SRPK1: variants seen among roughly 807,000 people sequenced by gnomAD.
SRPK1 encodes the protein SFRS protein kinase 1.
In SRPK1, 52 loss-of-function variants were observed where a neutral mutation model predicts 89.5. The ratio of observed to expected loss-of-function variants is 0.58; its 90% CI spans 0.46 to 0.73. SRPK1 has a LOEUF of 0.73. Among genes scored for constraint, SRPK1 ranks in the 30% least tolerant of loss-of-function variants. SRPK1 has a pLI of 0.00. For synonymous variants in SRPK1, 255 were observed against 270.2 expected, an observed-to-expected ratio of 0.94 and a Z score of 0.55; for missense variants, 603 against 780.6, an observed-to-expected ratio of 0.77 and a Z score of 2.71.
intron 2 of SRPK1, among the ~76,000 whole-genome samples, chr6:35,916,307 T>C (rs1771101864): frequency 6.6e-6 from 1 of 151,988 alleles, no homozygotes; most frequent in Non-Finnish European, 1.5e-5. Context: ...TGAGGTTCTC[T>C]TTCTGTCCTG....
intron 8 of SRPK1, 120 bp downstream of exon 8, chr6:35,872,442 GT>G: frequency 8.6e-6 from 8 of 935,252 alleles, no homozygotes; most frequent in Non-Finnish European, 1.2e-5. Context: ...AGCTGATAAT[GT>G]TTCTTAAATA....
At chr6:35,851,961 A>T (rs2151082463) in intron 13 of SRPK1, among the ~76,000 whole-genome samples, 1 of 152,352 alleles carries the variant, frequency 6.6e-6, no homozygotes, top group East Asian at 1.9e-4. Context: ...GCCTAAAATA[A>T]ATATGCCAAC....
chr6:35,920,254 G>A (rs1036784780), intron 2 of SRPK1: 5 of 635,832 alleles, frequency 7.9e-6, no homozygotes, highest in Admixed American at 2.2e-5. Context: ...GCCCTTTCCA[G>A]CAGGCCCGGG....
At chr6:35,840,941 T>C (rs1175324643) in intron 14 of SRPK1, among the ~76,000 whole-genome samples, 2 of 152,180 alleles carry the variant, frequency 1.3e-5, no homozygotes, top group Admixed American at 1.3e-4. Context: ...ACTCTGCATA[T>C]GTATTAAAAT....
chr6:35,876,870 T>C (rs1434943007), intron 6 of SRPK1, among the ~76,000 whole-genome samples: 2 of 152,116 alleles, frequency 1.3e-5, no homozygotes, highest in African/African-American at 4.8e-5. Context: ...GCTTTCCAGG[T>C]AGACTCCACA....
intron 12 of SRPK1, among the ~76,000 whole-genome samples, chr6:35,861,445 T>C (rs372990355): frequency 5.3e-5 from 8 of 152,294 alleles, no homozygotes; most frequent in East Asian, 1.9e-4. Flanking sequence ...ACAGCCTTGA[T>C]ACCAGGGATC....
intron 2 of SRPK1, among the ~76,000 whole-genome samples, chr6:35,912,312 CT>C (rs1770988132): frequency 6.6e-6 from 1 of 152,178 alleles, no homozygotes; most frequent in Non-Finnish European, 1.5e-5. Context: ...GATAGCACCA[CT>C]GCACTCCAGC....
intron 9 of SRPK1, 114 bp downstream of exon 9, chr6:35,870,820 A>AT: frequency 2.6e-5 from 24 of 919,144 alleles, no homozygotes; most frequent in South Asian, 5.5e-5. Flanking sequence ...AAGCGCAGGA[A>AT]TTTTTTTTCC....
intron 2 of SRPK1, among the ~76,000 whole-genome samples, chr6:35,914,967 T>C (rs1050639803): frequency 6.6e-6 from 1 of 152,072 alleles, no homozygotes; most frequent in African/African-American, 2.4e-5. Context: ...CCTGGCTAAT[T>C]TTTGTATTTC....
Position 35,903,970 on chromosome 6 carries a change from A to T in SRPK1, c.75-12957T>A, listed in dbSNP as rs574135145. 2.2e-3 allele frequency among the ~76,000 whole-genome samples: 316 copies of T among 143,488 alleles called. 1 individual carries two copies. Among genetic ancestry groups the T allele is most frequent in the Non-Finnish European group, 3.7e-3 (238 of 65,066 alleles). 94.1% of individuals were successfully genotyped at this position (143,488 alleles called of 152,430 possible). A position where few individuals can be genotyped will look rare whatever the true frequency, so the allele number is the denominator to read the frequency against. On this transcript the variant is annotated intron_variant, in intron 2 of 15. Coordinates refer to ENST00000373825, the MANE Select transcript of SRPK1 (RefSeq NM_003137.5). ...TAGCGTGCATCACAACACCCAGCGA[A>T]TTTTTTTTTTTTTTTTAAAGACAGG...
At chr6:35,895,435 T>TTTTGTG (rs1770609382) in intron 2 of SRPK1, among the ~76,000 whole-genome samples, 2 of 147,868 alleles carry the variant, frequency 1.4e-5, no homozygotes, top group African/African-American at 5.0e-5. Context: ...AGGCATATGC[T>TTTTGTG]TGTGTGTGTG....
intron 13 of SRPK1, among the ~76,000 whole-genome samples, chr6:35,842,907 C>T (rs1769343070): frequency 6.6e-6 from 1 of 151,814 alleles, no homozygotes; most frequent in Admixed American, 6.6e-5. Context: ...CCTTTTTTGG[C>T]CGGAAAGGGG....
intron 12 of SRPK1, among the ~76,000 whole-genome samples, chr6:35,860,957 C>T (rs911355086): frequency 2.6e-5 from 4 of 152,082 alleles, no homozygotes; most frequent in African/African-American, 9.7e-5. Context: ...GAAGAGTAAG[C>T]TCTCTTTGCT....
chr6:35,879,963 A>G (rs1415658815), intron 6 of SRPK1, among the ~76,000 whole-genome samples: 3 of 151,602 alleles, frequency 2.0e-5, no homozygotes, highest in African/African-American at 2.4e-5. Flanking sequence ...CTGGAGGCTT[A>G]GGCAGGAGAA....
chr6:35,883,143 G>A (rs1262875829), intron 6 of SRPK1, among the ~76,000 whole-genome samples: 2 of 152,146 alleles, frequency 1.3e-5, no homozygotes, highest in Non-Finnish European at 2.9e-5. Flanking sequence ...AATAGGCTGG[G>A]CATGGTGGCT....
At chr6:35,887,935 C>CT (rs1196793681) in intron 5 of SRPK1, 89 bp downstream of exon 5, 3 of 935,390 alleles carry the variant, frequency 3.2e-6, no homozygotes, top group Non-Finnish European at 4.5e-6. Context: ...ATTATCCATG[C>CT]TAAAGAGCCT....
At chr6:35,882,002 TACC>T (rs1286241859) in intron 6 of SRPK1, among the ~76,000 whole-genome samples, 1 of 149,400 alleles carries the variant, frequency 6.7e-6, no homozygotes, top group Non-Finnish European at 1.5e-5. Context: ...ATGTGTATTT[TACC>T]ACAATAAAGA....
chr6:35,852,906 T>C (rs1170482440), intron 13 of SRPK1, among the ~76,000 whole-genome samples: 1 of 152,140 alleles, frequency 6.6e-6, no homozygotes, highest in Non-Finnish European at 1.5e-5. Flanking sequence ...GACTGTAGAT[T>C]GAAAATATTC....
intron 7 of SRPK1, among the ~76,000 whole-genome samples, chr6:35,873,876 G>T (rs2127248771): frequency 6.6e-6 from 1 of 151,910 alleles, no homozygotes; most frequent in Middle Eastern, 3.4e-3. Flanking sequence ...GCCCAGGCTG[G>T]AGTGCAGTGG....
Sources: allele counts gnomAD v4.1 joint callset (sites outside exome capture counted in the v4.1 genomes callset), GRCh38; gene constraint gnomAD v4.1.1; transcripts MANE v1.5; gene names NCBI Gene and HGNC (gene_info 2026-07-23, HGNC 2026-07-21).